The following OCA2 variants were observed in gnomAD, a reference collection of about 807,000 sequenced individuals.
OCA2 encodes OCA2 melanosomal transmembrane protein, also known as P protein.
A neutral mutation model predicts 100.2 loss-of-function variants in OCA2; 77 were observed. That is an observed-to-expected ratio of 0.77 (90% CI 0.64 to 0.93). The LOEUF (loss-of-function observed/expected upper bound fraction) is 0.93. OCA2 is among the 40% of genes least tolerant of loss of function. The probability of loss-of-function intolerance (pLI) is 0.00; values close to 1 mark genes in which losing one functional copy is unlikely to be tolerated. For missense variants in OCA2, 1,062 were observed against 1,089.1 expected (o/e 0.98, Z 0.35); for synonymous variants, 432 against 439.2 (o/e 0.98, Z 0.21).
intron 19 of OCA2, among the ~76,000 whole-genome samples, chr15:27,912,673 A>G (rs2140268854): frequency 6.6e-6 from 1 of 152,352 alleles, no homozygotes; most frequent in African/African-American, 2.4e-5. Flanking sequence ...ATAATACAAA[A>G]TCATCATTAG....
chr15:27,772,826 G>A (rs2031964086), intron 23 of OCA2, among the ~76,000 whole-genome samples: 1 of 142,012 alleles, frequency 7.0e-6, no homozygotes, highest in South Asian at 2.2e-4. Flanking sequence ...GCGTGACAGA[G>A]GGAGACTCTA....
chr15:27,994,337 A>G (rs967137724), intron 9 of OCA2, among the ~76,000 whole-genome samples: 3 of 152,218 alleles, frequency 2.0e-5, no homozygotes, highest in Non-Finnish European at 4.4e-5. Context: ...GTCCCACCCC[A>G]CGGTCCATGG....
At chr15:27,743,362 T>C in the OCA2 span, among the ~76,000 whole-genome samples, 1 of 152,218 alleles carries the variant, frequency 6.6e-6, no homozygotes, top group Admixed American at 6.5e-5. Flanking sequence ...GACAGGTTTA[T>C]TCCAGTCGCT....
At chr15:27,818,330 A>T (rs1001848347) in intron 23 of OCA2, among the ~76,000 whole-genome samples, 11 of 152,338 alleles carry the variant, frequency 7.2e-5, no homozygotes, top group Non-Finnish European at 7.4e-5. Context: ...TGGAGGTTGC[A>T]GTGAGCCGGG....
At position 27,957,854 on chromosome 15, in the gene OCA2, G is replaced by C; in HGVS notation, c.1637-119C>G. 1.7e-6 allele frequency: 2 copies of C among 1,171,880 alleles called. No individual in the cohort carries two copies. Among genetic ancestry groups the C allele is most frequent in the Non-Finnish European group, 2.5e-6 (2 of 804,498 alleles). The allele number at this position is 1,171,880 out of a possible 1,614,324, so 72.6% of individuals were successfully genotyped here. A position where few individuals can be genotyped will look rare whatever the true frequency, so the allele number is the denominator to read the frequency against. The stretch of plus-strand genomic sequence containing the variant: ...GCAGACACACACTCGAGACGTGCAG[G>C]TAGCCCAGGGTCACCCAGAGCTTCT... On this transcript the variant is annotated intron_variant, in intron 15 of 23. Coordinates refer to ENST00000354638, the MANE Select transcript of OCA2 (RefSeq NM_000275.3). This position sits in a 1 kb window ranked among gnomAD's most constrained non-coding sequence, Gnocchi z 4.3.
intron 1 of OCA2, among the ~76,000 whole-genome samples, chr15:28,090,337 C>A (rs1485887502): frequency 1.3e-5 from 2 of 152,172 alleles, no homozygotes; most frequent in African/African-American, 4.8e-5. Context: ...CTGAACAACA[C>A]CATCAACCAA....
At chr15:27,988,925 A>T (rs943851097) in intron 11 of OCA2, among the ~76,000 whole-genome samples, 4 of 152,160 alleles carry the variant, frequency 2.6e-5, no homozygotes, top group African/African-American at 9.7e-5. Flanking sequence ...GAGGGACGAA[A>T]TGTTGGCAAG....
At chr15:27,821,500 G>A (rs2034500519) in intron 23 of OCA2, among the ~76,000 whole-genome samples, 1 of 151,584 alleles carries the variant, frequency 6.6e-6, no homozygotes, top group Admixed American at 6.6e-5. Flanking sequence ...ACCCACACAG[G>A]TATACATGTG....
At chr15:28,018,045 T>C (rs1166828222) in intron 7 of OCA2, among the ~76,000 whole-genome samples, 1 of 151,702 alleles carries the variant, frequency 6.6e-6, no homozygotes, top group Non-Finnish European at 1.5e-5. Context: ...GCTGTGGAAG[T>C]GTCTTCTGAA....
intron 22 of OCA2, among the ~76,000 whole-genome samples, chr15:27,849,449 C>G (rs187981101): frequency 6.6e-6 from 1 of 152,092 alleles, no homozygotes; most frequent in Non-Finnish European, 1.5e-5. Flanking sequence ...CCAGGAAACT[C>G]AGGCAAAGGC....
intron 10 of OCA2, 94 bp from the exon 11 acceptor site, chr15:27,989,760 A>G (rs2041487795): frequency 8.9e-7 from 1 of 1,124,746 alleles, no homozygotes; most frequent in Non-Finnish European, 1.3e-6. Flanking sequence ...AGACCCACTC[A>G]GTGGGCGGGC....
At chr15:28,079,914 C>T (rs1346346907) in intron 2 of OCA2, among the ~76,000 whole-genome samples, 4 of 152,202 alleles carry the variant, frequency 2.6e-5, no homozygotes, top group Non-Finnish European at 5.9e-5. Context: ...GCCTGGCTGC[C>T]CAGGGCCTCC....
chr15:28,000,807 T>C (rs2041902588), intron 9 of OCA2, among the ~76,000 whole-genome samples: 1 of 151,998 alleles, frequency 6.6e-6, no homozygotes, highest in Admixed American at 6.6e-5. Flanking sequence ...CAAAGGATAA[T>C]AGACATTTTC....
chr15:27,824,617 T>TATATATATATATA (rs1020369750), intron 23 of OCA2, among the ~76,000 whole-genome samples: 3 of 130,128 alleles, frequency 2.3e-5, no homozygotes, highest in South Asian at 2.5e-4. Flanking sequence ...TATATATATA[T>TATATATATATATA]ATATAATATA....
At chr15:27,722,265 C>T in the OCA2 span, among the ~76,000 whole-genome samples, 1 of 152,232 alleles carries the variant, frequency 6.6e-6, no homozygotes, top group Non-Finnish European at 1.5e-5. Flanking sequence ...TACCCTAGCA[C>T]ATCAGTCTTT....
chr15:28,039,007 C>A (rs149897304), intron 2 of OCA2, among the ~76,000 whole-genome samples: 39 of 152,144 alleles, frequency 2.6e-4, no homozygotes, highest in African/African-American at 8.9e-4. Flanking sequence ...CTAGTAGTAA[C>A]CAAAAGAGAG....
intron 23 of OCA2, among the ~76,000 whole-genome samples, chr15:27,790,664 T>C (rs962449289): frequency 2.1e-4 from 32 of 152,206 alleles, no homozygotes; most frequent in Admixed American, 2.1e-3. Context: ...CTGGGTGTGA[T>C]GGAAATATTC....
At chr15:27,945,417 G>T (rs1299813576) in intron 18 of OCA2, among the ~76,000 whole-genome samples, 1 of 152,148 alleles carries the variant, frequency 6.6e-6, no homozygotes, top group Admixed American at 6.6e-5. Flanking sequence ...ATTCTGCCAT[G>T]AGCAGAAAAA....
At chr15:27,997,015 A>C (rs1405345547) in intron 9 of OCA2, among the ~76,000 whole-genome samples, 1 of 107,340 alleles carries the variant, frequency 9.3e-6, no homozygotes, top group Non-Finnish European at 2.5e-5. Context: ...GAAAGAGAGA[A>C]AGAAAGAAAG....
Sources: gnomAD v4.1 joint callset for allele counts (sites outside exome capture counted in the v4.1 genomes callset) on GRCh38, gnomAD v4.1.1 for gene constraint, Gnocchi (gnomAD v3.1) non-coding constraint, MANE v1.5 for transcripts, NCBI Gene and HGNC (gene_info 2026-07-23, HGNC 2026-07-21) for gene names.